The following CCR3 variants were observed in gnomAD, a reference collection of about 807,000 sequenced individuals.
The protein encoded by CCR3 is C-C chemokine receptor type 3.
For missense variants in CCR3, 419 were observed against 437.5 expected (o/e 0.96, Z 0.38); for synonymous variants, 203 against 179.2 (o/e 1.13, Z -1.06).
chr3:46,223,709 T>A (rs2125923963), intron 2 of CCR3, among the ~76,000 whole-genome samples: 1 of 152,302 alleles, frequency 6.6e-6, no homozygotes, highest in Admixed American at 6.5e-5. Flanking sequence ...CTTGTATCAA[T>A]CTGTTTTCCC....
intron 2 of CCR3, among the ~76,000 whole-genome samples, chr3:46,231,299 G>A (rs1198728325): frequency 6.6e-6 from 1 of 152,180 alleles, no homozygotes; most frequent in Non-Finnish European, 1.5e-5. Flanking sequence ...TATGGAAATG[G>A]GCTGTGCACC....
Position 46,266,418 on chromosome 3 carries a change from G to C in CCR3, c.*192G>C, listed in dbSNP as rs181905405. The C allele has an allele frequency of 1.5e-5, 8 of 547,792 alleles. No homozygotes were observed. Among genetic ancestry groups the C allele is most frequent in the African/African-American group, 9.6e-5 (5 of 52,332 alleles). The allele number at this position is 547,792 out of a possible 1,614,324, so 33.9% of individuals were successfully genotyped here. A position where few individuals can be genotyped will look rare whatever the true frequency, so the allele number is the denominator to read the frequency against. On this transcript the variant is annotated 3_prime_UTR_variant, in exon 2 of 2. Transcript: ENST00000395940. ...CTAAGGTCATTACCACAGGCCAGGG[G>C]CTGGGCAGCGTACTCATCATCAACC... is the stretch of plus-strand genomic sequence containing the variant.
At chr3:46,255,322 C>T (rs780184539) in intron 1 of CCR3, among the ~76,000 whole-genome samples, 4 of 150,442 alleles carry the variant, frequency 2.7e-5, no homozygotes, top group Admixed American at 6.6e-5. Flanking sequence ...TAGATTGCAA[C>T]GATTTTCTCC....
chr3:46,260,894 G>A lies in CCR3; in HGVS notation c.-11-4254G>A, dbSNP rs188531579. Among the ~76,000 whole-genome samples the A allele has an allele frequency of 1.8e-4, 27 of 152,296 alleles. No individual in the cohort carries two copies. The East Asian group carries it at 5.0e-3, about 28-fold the overall frequency. ...TTAACAGAAAGAAGACCAAATTCTA[G>A]TTTTGCATCAGTGTACTTTGATATT... On this transcript the variant is annotated intron_variant, in intron 1 of 1. Coordinates refer to ENST00000395940, the MANE Select transcript of CCR3 (RefSeq NM_178329.3).
chr3:46,242,159 C>T (rs554295433), upstream of CCR3, among the ~76,000 whole-genome samples: 3 of 151,738 alleles, frequency 2.0e-5, no homozygotes, highest in East Asian at 3.9e-4. Context: ...TTATAACAAC[C>T]CCCCACCACT....
chr3:46,242,963 GTATA>G (rs71095086), intron 1 of CCR3, among the ~76,000 whole-genome samples: 40 of 86,244 alleles, frequency 4.6e-4, no homozygotes, highest in Non-Finnish European at 6.2e-4. Flanking sequence ...ATATATATGT[GTATA>G]TATATATATA....
At position 46,217,851 on chromosome 3, in the gene CCR3, A is replaced by G. The variant is rs1699792270; in HGVS notation, c.-68+6944A>G. 2.0e-5 allele frequency among the ~76,000 whole-genome samples: 3 copies of G among 151,926 alleles called. No homozygotes were observed. The South Asian group carries it at 6.2e-4, about 31-fold the overall frequency. On this transcript the variant is annotated intron_variant, in intron 2 of 3. Coordinates refer to the CCR3 transcript ENST00000357422. ...GGAAAGTTCATAGCATTAAACCCCT[A>G]CATCAAAAAGTCTGAAACAGCACAA... is the stretch of plus-strand genomic sequence containing the variant.
Position 46,245,082 on chromosome 3 carries a change from T to A in CCR3, c.-12+2544T>A, listed in dbSNP as rs188890142. ...TGAACTGACCGCACTCAGACACAATTCTGAAAGACACAAGCATGAGGTGTA... is the reference window on the plus strand; with the variant it reads ...TGAACTGACCGCACTCAGACACAATACTGAAAGACACAAGCATGAGGTGTA... On this transcript the variant is annotated intron_variant, in intron 1 of 1. Coordinates refer to ENST00000395940, the MANE Select transcript of CCR3 (RefSeq NM_178329.3). Among the ~76,000 whole-genome samples the A allele has an allele frequency of 1.4e-3, 213 of 152,246 alleles. 1 individual carries two copies. The highest frequency in any genetic ancestry group is 4.8e-3 in the African/African-American group (200 of 41,544).
intron 2 of CCR3, among the ~76,000 whole-genome samples, chr3:46,216,929 A>G (rs1406616395): frequency 1.3e-5 from 2 of 152,334 alleles, no homozygotes; most frequent in Non-Finnish European, 2.9e-5. Context: ...CAGGACCTAT[A>G]AAACAATAAC....
At chr3:46,228,108 CA>C (rs1559526656) in intron 2 of CCR3, among the ~76,000 whole-genome samples, 1 of 151,668 alleles carries the variant, frequency 6.6e-6, no homozygotes, top group Non-Finnish European at 1.5e-5. Flanking sequence ...CCCTGTTTAA[CA>C]TTTCTGTCTT....
At chr3:46,229,838 A>G (rs895086845) in intron 2 of CCR3, among the ~76,000 whole-genome samples, 6 of 152,170 alleles carry the variant, frequency 3.9e-5, no homozygotes, top group Non-Finnish European at 7.4e-5. Context: ...GGAATATATT[A>G]AGGAAATGTG....
At chr3:46,264,572 T>C (rs943962432) in intron 1 of CCR3, 1 of 653,216 alleles carries the variant, frequency 1.5e-6, no homozygotes, top group African/African-American at 1.9e-5. Flanking sequence ...TATTTACTTG[T>C]TAGAGGATTT....
chr3:46,260,112 A>G (rs555775659), intron 1 of CCR3, among the ~76,000 whole-genome samples: 1 of 152,314 alleles, frequency 6.6e-6, no homozygotes, highest in East Asian at 1.9e-4. Context: ...AGACTCATTC[A>G]CTATCAGGAG....
chr3:46,250,715 G>C (rs1465657638), intron 1 of CCR3, among the ~76,000 whole-genome samples: 2 of 152,100 alleles, frequency 1.3e-5, no homozygotes, highest in Non-Finnish European at 2.9e-5. Context: ...ACAGGCTAAA[G>C]GAGAAGAAGG....
At position 46,265,912 on chromosome 3, in the gene CCR3, T is replaced by G. The variant is rs746488911; in HGVS notation, c.754T>G (p.Trp252Gly). ...FVIMAVFFIF[W>G]TPYNVAILLS... Reference sequence around the variant, plus strand: ...CATCATGGCGGTGTTTTTCATTTTCTGGACACCCTACAATGTGGCTATCCT... The same window carrying G: ...CATCATGGCGGTGTTTTTCATTTTCGGGACACCCTACAATGTGGCTATCCT... The change falls in exon 2 of 2, where the codon TGG (tryptophan) becomes GGG (glycine). Residue 252 changes from tryptophan to glycine, a missense_variant. By Grantham distance (184) the Trp-to-Gly change is radical. Coordinates refer to ENST00000395940, the MANE Select transcript of CCR3 (RefSeq NM_178329.3). The G allele has an allele frequency of 6.2e-7, 1 of 1,614,208 alleles. No homozygotes were observed. The highest frequency in any genetic ancestry group is 2.2e-5 in the East Asian group (1 of 44,878).
At chr3:46,243,219 G>A (rs562702076) in intron 1 of CCR3, among the ~76,000 whole-genome samples, 11 of 151,886 alleles carry the variant, frequency 7.2e-5, no homozygotes, top group South Asian at 6.2e-4. Context: ...CATACAGAGC[G>A]CTTCATTCAT....
intron 2 of CCR3, among the ~76,000 whole-genome samples, chr3:46,223,181 G>A (rs1316685862): frequency 2.0e-5 from 3 of 152,072 alleles, no homozygotes; most frequent in Admixed American, 2.0e-4. Context: ...GTGAAACCCT[G>A]TCTCTACTAA....
intron 1 of CCR3, chr3:46,263,416 T>C (rs962291512): frequency 6.4e-6 from 1 of 155,630 alleles, no homozygotes; most frequent in Admixed American, 6.5e-5. Context: ...GATTATGCTA[T>C]TATGAATAAG....
At chr3:46,226,302 A>C (rs1473667297) in intron 2 of CCR3, among the ~76,000 whole-genome samples, 2 of 152,214 alleles carry the variant, frequency 1.3e-5, no homozygotes, top group Non-Finnish European at 2.9e-5. Flanking sequence ...TGAGTCTTCT[A>C]ATCTATGAAC....
Sources: gnomAD v4.1 joint callset for allele counts (sites outside exome capture counted in the v4.1 genomes callset) on GRCh38, gnomAD v4.1.1 for gene constraint, MANE v1.5 for transcripts, NCBI Gene and HGNC (gene_info 2026-07-23, HGNC 2026-07-21) for gene names.